The following NRXN3 variants were observed in gnomAD, a reference collection of about 807,000 sequenced individuals.
NRXN3 encodes the protein neurexin III.
In NRXN3, 32 loss-of-function variants were observed where a neutral mutation model predicts 137.6. That is an observed-to-expected ratio of 0.23 (90% confidence interval 0.18 to 0.31). The LOEUF (loss-of-function observed/expected upper bound fraction) is 0.31, where lower values mean the gene tolerates loss of function less well. Among genes scored for constraint, NRXN3 ranks in the 10% least tolerant of loss-of-function variants. The pLI is 1.00. For synonymous variants in NRXN3, 798 were observed against 784.5 expected, an observed-to-expected ratio of 1.02 and a Z score of -0.29; for missense variants, 1,574 against 2,062.5, an observed-to-expected ratio of 0.76 and a Z score of 4.59.
At chr14:79,754,573 CACACACACACACACACATATATAT>C (rs2099012591) in intron 19 of NRXN3, among the ~76,000 whole-genome samples, 2 of 122,540 alleles carry the variant, frequency 1.6e-5, no homozygotes, top group African/African-American at 7.0e-5. Context: ...TGCACACATA[CACACACACACACACACATATATAT>C]ACACACACAT....
intron 4 of NRXN3, among the ~76,000 whole-genome samples, chr14:78,615,581 A>G (rs2152483729): frequency 6.6e-6 from 1 of 152,194 alleles, no homozygotes; most frequent in African/African-American, 2.4e-5. Context: ...ACTGCACTTC[A>G]GCCTGGGCGA....
intron 15 of NRXN3, among the ~76,000 whole-genome samples, chr14:78,996,650 A>T (rs2099530760): frequency 6.6e-6 from 1 of 152,158 alleles, no homozygotes; most frequent in African/African-American, 2.4e-5. Context: ...CAAGATCAGA[A>T]TTTCCATCAA....
intron 15 of NRXN3, among the ~76,000 whole-genome samples, chr14:79,161,236 C>T (rs1038037555): frequency 2.0e-5 from 3 of 151,816 alleles, no homozygotes; most frequent in African/African-American, 7.3e-5. Flanking sequence ...ATTCTGTCTT[C>T]CAGGGAGCAT....
chr14:78,347,301 G>A (rs1056012908), intron 4 of NRXN3, among the ~76,000 whole-genome samples: 6 of 152,266 alleles, frequency 3.9e-5, no homozygotes, highest in Non-Finnish European at 5.9e-5. Context: ...TTACCTGCTC[G>A]TGAGCAATAA....
chr14:79,733,824 T>C (rs1201946666), intron 19 of NRXN3, among the ~76,000 whole-genome samples: 1 of 152,142 alleles, frequency 6.6e-6, no homozygotes, highest in Non-Finnish European at 1.5e-5. Flanking sequence ...ATTTATCTTA[T>C]TTTCCTGTGG....
intron 15 of NRXN3, among the ~76,000 whole-genome samples, chr14:79,020,147 C>A (rs1270660045): frequency 9.7e-5 from 1 of 10,288 alleles, no homozygotes; most frequent in African/African-American, 7.9e-4. Flanking sequence ...CCCTTCCCTT[C>A]CCTTCCCTTC....
intron 4 of NRXN3, among the ~76,000 whole-genome samples, chr14:78,325,270 C>T (rs557607031): frequency 1.6e-4 from 25 of 152,036 alleles, no homozygotes; most frequent in Middle Eastern, 3.4e-3. Flanking sequence ...GCACCTGAGC[C>T]ATGGTGGTCC....
intron 15 of NRXN3, among the ~76,000 whole-genome samples, chr14:79,099,146 T>A (rs930518181): frequency 1.3e-5 from 2 of 152,232 alleles, no homozygotes; most frequent in African/African-American, 4.8e-5. Flanking sequence ...TAGGCAACCA[T>A]ACAATAGTGT....
chr14:78,470,246 TG>T (rs1207517596), intron 4 of NRXN3, among the ~76,000 whole-genome samples: 2 of 152,194 alleles, frequency 1.3e-5, no homozygotes, highest in African/African-American at 4.8e-5. Context: ...AGAATCCCTT[TG>T]GGGATGGGAG....
rs372945866 is a variant in NRXN3 at position 79,675,209 on chromosome 14, G to A, written c.3616+11260G>A. Among the ~76,000 whole-genome samples the A allele has an allele frequency of 2.8e-4, 43 of 151,906 alleles. No homozygotes were observed. In the East Asian group the frequency reaches 5.4e-3, roughly 19 times the overall value. On this transcript the variant is annotated intron_variant, in intron 17 of 20. Coordinates refer to ENST00000335750, the MANE Select transcript of NRXN3 (RefSeq NM_001330195.2). ...GATCACCAAACCTTTTCCCCCAAAG[G>A]CCAAATAACAAGTAGCATAGGCTTT... is the stretch of plus-strand genomic sequence containing the variant.
At chr14:79,191,116 C>G (rs1024770102) in intron 15 of NRXN3, among the ~76,000 whole-genome samples, 1 of 152,136 alleles carries the variant, frequency 6.6e-6, no homozygotes, top group Non-Finnish European at 1.5e-5. Context: ...GCCTGAGTAT[C>G]AGCAGGACTG....
At chr14:78,516,299 C>T (rs1052801221) in intron 4 of NRXN3, among the ~76,000 whole-genome samples, 1 of 148,174 alleles carries the variant, frequency 6.7e-6, no homozygotes, top group Non-Finnish European at 1.5e-5. Flanking sequence ...CAGGTCTACC[C>T]CATACCAGTC....
intron 17 of NRXN3, among the ~76,000 whole-genome samples, chr14:79,681,645 C>CACCCAGA (rs1444309394): frequency 3.3e-5 from 5 of 152,140 alleles, no homozygotes. Context: ...TCTCACGGCC[C>CACCCAGA]ACCCAGAACC....
intron 5 of NRXN3, among the ~76,000 whole-genome samples, chr14:78,646,479 C>A (rs2097689029): frequency 6.6e-6 from 1 of 152,204 alleles, no homozygotes; most frequent in African/African-American, 2.4e-5. Flanking sequence ...AAATTTTCTT[C>A]TGCCACATGA....
intron 4 of NRXN3, among the ~76,000 whole-genome samples, chr14:78,382,929 A>T (rs898589816): frequency 6.6e-6 from 1 of 151,890 alleles, no homozygotes; most frequent in Non-Finnish European, 1.5e-5. Flanking sequence ...TGTGGGGAGG[A>T]GGGGGGCAAT....
intron 19 of NRXN3, among the ~76,000 whole-genome samples, chr14:79,705,583 C>T (rs542100932): frequency 2.0e-5 from 3 of 152,210 alleles, no homozygotes; most frequent in Admixed American, 1.3e-4. Flanking sequence ...ACACCTTAAG[C>T]GAGTGTCTCA....
At chr14:78,829,067 T>C (rs957434920) in intron 10 of NRXN3, among the ~76,000 whole-genome samples, 9 of 152,210 alleles carry the variant, frequency 5.9e-5, no homozygotes, top group Middle Eastern at 3.4e-3. Context: ...GTGAAGGGCT[T>C]ATGGAAGATA....
intron 19 of NRXN3, among the ~76,000 whole-genome samples, chr14:79,751,897 C>A (rs1018442822): frequency 4.6e-5 from 7 of 152,104 alleles, no homozygotes; most frequent in Admixed American, 1.3e-4. Context: ...TATATTGAAC[C>A]AGCCTTGCAT....
At chr14:79,155,227 C>T (rs1182459396) in intron 15 of NRXN3, among the ~76,000 whole-genome samples, 3 of 151,904 alleles carry the variant, frequency 2.0e-5, no homozygotes, top group Non-Finnish European at 4.4e-5. Flanking sequence ...GGACCAATCA[C>T]AAGAAACTCT....
Sources: allele counts gnomAD v4.1 joint callset (sites outside exome capture counted in the v4.1 genomes callset), GRCh38; gene constraint gnomAD v4.1.1; transcripts MANE v1.5; gene names NCBI Gene and HGNC (gene_info 2026-07-23, HGNC 2026-07-21).